Variants in DDAH1 observed in about 807,000 individuals in gnomAD.
DDAH1 encodes dimethylarginine dimethylaminohydrolase 1, also known as N(G),N(G)-dimethylarginine dimethylaminohydrolase 1.
DDAH1 carries 19 observed loss-of-function variants against 28.8 expected under a neutral mutation model. The observed-to-expected ratio is 0.66, with a 90% CI of 0.46 to 0.97. The LOEUF is 0.97. DDAH1 is among the 50% of genes least tolerant of loss of function. The pLI, the probability that DDAH1 is intolerant of heterozygous loss-of-function variation, is 0.00. For synonymous variants in DDAH1, 153 were observed against 154.4 expected, an observed-to-expected ratio of 0.99 and a Z score of 0.07; for missense variants, 326 against 375.9, an observed-to-expected ratio of 0.87 and a Z score of 1.10.
At chr1:85,456,871 A>T (rs1262664063) in intron 1 of DDAH1, among the ~76,000 whole-genome samples, 1 of 152,176 alleles carries the variant, frequency 6.6e-6, no homozygotes, top group Non-Finnish European at 1.5e-5. Context: ...CCACCAAAAA[A>T]GTGCCTTACC....
rs1037590925 is a variant in DDAH1, at chr1:85,350,629, C to G, written c.478-95G>C. On this transcript the variant is annotated intron_variant, in intron 3 of 5. Transcript: ENST00000284031. ...CTGAAATACACCTACTTCTTGAAGG[C>G]TGACAGGGACCTTGAATATTTGGAA... The G allele has an allele frequency of 8.7e-6, 12 of 1,382,500 alleles. No homozygotes were observed. In the African/African-American group the frequency reaches 1.3e-4, roughly 15 times the overall value. The allele number at this position is 1,382,500 out of a possible 1,614,324, so 85.6% of individuals were successfully genotyped here. A position where few individuals can be genotyped will look rare whatever the true frequency, so the allele number is the denominator to read the frequency against.
At chr1:85,397,987 CCT>C (rs1233749643) in intron 1 of DDAH1, among the ~76,000 whole-genome samples, 1 of 111,386 alleles carries the variant, frequency 9.0e-6, no homozygotes, top group Non-Finnish European at 1.9e-5. Flanking sequence ...GCCAAATAAA[CCT>C]CTTTTTTTTT....
At chr1:85,379,516 A>G (rs1054747724) in intron 1 of DDAH1, 1 of 893,442 alleles carries the variant, frequency 1.1e-6, no homozygotes, top group African/African-American at 1.8e-5. Flanking sequence ...TCCAAAGGCA[A>G]ATTTCAAAAA....
intron 1 of DDAH1, among the ~76,000 whole-genome samples, chr1:85,513,048 T>G (rs950473684): frequency 6.6e-6 from 1 of 152,024 alleles, no homozygotes; most frequent in African/African-American, 2.4e-5. Flanking sequence ...GCCAAGACAA[T>G]CCTAAGCAGA....
At chr1:85,506,859 G>A (rs1053623367) in intron 1 of DDAH1, among the ~76,000 whole-genome samples, 1 of 152,138 alleles carries the variant, frequency 6.6e-6, no homozygotes, top group African/African-American at 2.4e-5. Flanking sequence ...TTAGACTGAA[G>A]ACAGAAACAT....
At chr1:85,536,764 A>C (rs1658292329) in intron 1 of DDAH1, among the ~76,000 whole-genome samples, 1 of 151,972 alleles carries the variant, frequency 6.6e-6, no homozygotes, top group South Asian at 2.1e-4. Flanking sequence ...GTTCCTCTGA[A>C]AATTAAAAAG....
chr1:85,496,070 T>C (rs936185919), intron 2 of DDAH1: 1 of 195,224 alleles, frequency 5.1e-6, no homozygotes, highest in African/African-American at 2.4e-5. Flanking sequence ...TATTGACATA[T>C]AAGAACACTT....
At chr1:85,504,711 G>T (rs1432364040) in intron 1 of DDAH1, among the ~76,000 whole-genome samples, 4 of 152,032 alleles carry the variant, frequency 2.6e-5, no homozygotes, top group East Asian at 3.9e-4. Context: ...ATGGTGACTT[G>T]CCCACTGTTA....
chr1:85,452,818 G>T (rs984180059), intron 1 of DDAH1, among the ~76,000 whole-genome samples: 1 of 152,184 alleles, frequency 6.6e-6, no homozygotes. Flanking sequence ...AGTAAAAAAG[G>T]CACAATTCAT....
At chr1:85,476,419 T>C (rs1179294472) in intron 2 of DDAH1, among the ~76,000 whole-genome samples, 3 of 152,224 alleles carry the variant, frequency 2.0e-5, no homozygotes, top group African/African-American at 7.2e-5. Flanking sequence ...CAGCTGAAGC[T>C]GGGAACCACT....
At chr1:85,438,999 CA>C (rs1654070263) in intron 1 of DDAH1, among the ~76,000 whole-genome samples, 1 of 152,190 alleles carries the variant, frequency 6.6e-6, no homozygotes, top group South Asian at 2.1e-4. Context: ...TGATCTTAGT[CA>C]CGGTATTTAA....
At chr1:85,352,854 T>C (rs560148551) in intron 2 of DDAH1, among the ~76,000 whole-genome samples, 30 of 151,670 alleles carry the variant, frequency 2.0e-4, no homozygotes, top group Admixed American at 9.3e-4. Flanking sequence ...CTATCAACAT[T>C]GTTAAGTGAG....
chr1:85,469,215 A>G (rs1179462217), upstream of DDAH1, among the ~76,000 whole-genome samples: 7 of 152,210 alleles, frequency 4.6e-5, no homozygotes, highest in Non-Finnish European at 8.8e-5. Flanking sequence ...TTGGGGAAAC[A>G]GCTAGCTGGT....
intron 1 of DDAH1, chr1:85,376,717 G>C (rs201003660): frequency 1.9e-5 from 1 of 53,606 alleles, no homozygotes. Context: ...TCTATTTTTT[G>C]AGTTCCCAAG....
chr1:85,572,931 T>C (rs1236650754), intron 1 of DDAH1, among the ~76,000 whole-genome samples: 2 of 152,232 alleles, frequency 1.3e-5, no homozygotes, highest in Non-Finnish European at 2.9e-5. Flanking sequence ...AATCATATCA[T>C]CTATATACCA....
In DDAH1 at chr1:85,320,547, AT is replaced by A. The variant is rs1283440529; in HGVS notation, c.*904del. On this transcript the variant is annotated 3_prime_UTR_variant, in exon 6 of 6. Coordinates refer to ENST00000284031, the MANE Select transcript of DDAH1 (RefSeq NM_012137.4). Reference sequence around the variant, plus strand: ...AAAAAAAAAGAGTTCCTCCAAGGTCATATATGGTCAGTAATGAAGCAAAAAT... The same window carrying A: ...AAAAAAAAAGAGTTCCTCCAAGGTCAATATGGTCAGTAATGAAGCAAAAAT... The A allele has an allele frequency of 2.0e-5, 3 of 152,166 alleles. No homozygotes were observed. The highest frequency in any genetic ancestry group is 4.4e-5 in the Non-Finnish European group (3 of 68,036). The allele number at this position is 152,166 out of a possible 1,614,324, so 9.4% of individuals were successfully genotyped here. A position where few individuals can be genotyped will look rare whatever the true frequency, so the allele number is the denominator to read the frequency against.
At chr1:85,394,501 A>G (rs1411816403) in intron 1 of DDAH1, among the ~76,000 whole-genome samples, 1 of 152,232 alleles carries the variant, frequency 6.6e-6, no homozygotes, top group Admixed American at 6.5e-5. Flanking sequence ...ACAGGCTAAG[A>G]GACTAACTCA....
At chr1:85,403,772 T>A (rs1652268980) in intron 1 of DDAH1, among the ~76,000 whole-genome samples, 1 of 152,180 alleles carries the variant, frequency 6.6e-6, no homozygotes. Flanking sequence ...CAGTTCAAAT[T>A]TTATTTTGGA....
At chr1:85,322,151 G>A (rs993635820) in intron 5 of DDAH1, among the ~76,000 whole-genome samples, 2 of 152,202 alleles carry the variant, frequency 1.3e-5, no homozygotes, top group Middle Eastern at 3.4e-3. Context: ...TTGGGTTCCT[G>A]GGCTCAAGTG....
Sources: gnomAD v4.1 joint callset for allele counts (sites outside exome capture counted in the v4.1 genomes callset) on GRCh38, gnomAD v4.1.1 for gene constraint, MANE v1.5 for transcripts, NCBI Gene and HGNC (gene_info 2026-07-23, HGNC 2026-07-21) for gene names.